EEF1AKMT1: variants seen among roughly 807,000 people sequenced by gnomAD.
EEF1AKMT1 encodes the protein EEF1A lysine methyltransferase 1.
Under a neutral mutation model 21.0 loss-of-function variants are expected in EEF1AKMT1, and 18 were observed. The observed-to-expected ratio is 0.86, with a 90% confidence interval of 0.59 to 1.27. The LOEUF (loss-of-function observed/expected upper bound fraction) is 1.27. Among genes scored for constraint, EEF1AKMT1 ranks in the 50% most tolerant of loss-of-function variants. EEF1AKMT1 has a pLI of 0.00. For missense variants in EEF1AKMT1, 246 were observed against 258.6 expected (o/e 0.95, Z 0.33); for synonymous variants, 109 against 94.8 (o/e 1.15, Z -0.87).
chr13:20,738,283 T>C (rs188856470), intron 2 of EEF1AKMT1, among the ~76,000 whole-genome samples: 120 of 152,388 alleles, frequency 7.9e-4, no homozygotes, highest in Non-Finnish European at 1.2e-3. Flanking sequence ...TCTTACCTTA[T>C]GCATGTTTCC....
chr13:20,757,328 A>G, intron 2 of EEF1AKMT1, 127 bp downstream of exon 2: 1 of 1,068,278 alleles, frequency 9.4e-7, no homozygotes, highest in Non-Finnish European at 1.4e-6. Context: ...CCCCATAGAG[A>G]AGTTCAGATC....
At chr13:20,739,103 C>G (rs974314789) in intron 2 of EEF1AKMT1, among the ~76,000 whole-genome samples, 3 of 152,072 alleles carry the variant, frequency 2.0e-5, no homozygotes, top group Non-Finnish European at 4.4e-5. Flanking sequence ...AGCTGCAGAC[C>G]TTCGCCAAGA....
chr13:20,770,209 T>TA (rs999803179), intron 1 of EEF1AKMT1, among the ~76,000 whole-genome samples: 4 of 149,090 alleles, frequency 2.7e-5, no homozygotes, highest in African/African-American at 7.5e-5. Flanking sequence ...GCCAGTCATT[T>TA]AAAAAAATAC....
At chr13:20,752,993 G>A (rs35098509) in intron 2 of EEF1AKMT1, among the ~76,000 whole-genome samples, 6,335 of 151,868 alleles carry the variant, frequency 0.042, 309 homozygotes, top group African/African-American at 0.11. Context: ...GGACTGGTTT[G>A]TTCTTGCTTT....
chr13:20,764,321 CTG>C (rs968597189), intron 1 of EEF1AKMT1, among the ~76,000 whole-genome samples: 42 of 152,206 alleles, frequency 2.8e-4, no homozygotes, highest in Admixed American at 1.8e-3. Flanking sequence ...TAGAAGGACA[CTG>C]TTTAATTTCC....
At chr13:20,753,941 T>A (rs2058957249) in intron 2 of EEF1AKMT1, among the ~76,000 whole-genome samples, 1 of 152,176 alleles carries the variant, frequency 6.6e-6, no homozygotes, top group Admixed American at 6.5e-5. Flanking sequence ...GTTGTTGATA[T>A]GTGAGGGCTT....
chr13:20,757,210 C>T lies in EEF1AKMT1; in HGVS notation c.144+245G>A, dbSNP rs113275863. The T allele has an allele frequency of 9.2e-4, 325 of 354,118 alleles. 4 individuals carry two copies. Among genetic ancestry groups the T allele is most frequent in the African/African-American group, 6.0e-3 (287 of 47,792 alleles). 21.9% of individuals were successfully genotyped at this position (354,118 alleles called of 1,614,324 possible). On this transcript the variant is annotated intron_variant, in intron 2 of 4. Transcript: ENST00000382758. ...ATCATTATCTCCTTATCTGAAAAAC[C>T]CCATCTTCTGATCACCAACCAGCCT...
intron 2 of EEF1AKMT1, among the ~76,000 whole-genome samples, chr13:20,751,777 G>A (rs1566534486): frequency 6.6e-6 from 1 of 151,992 alleles, no homozygotes; most frequent in Non-Finnish European, 1.5e-5. Flanking sequence ...CTTTCAATCC[G>A]TGAGCACGGG....
intron 1 of EEF1AKMT1, among the ~76,000 whole-genome samples, chr13:20,773,601 G>A (rs755560368): frequency 1.3e-5 from 2 of 152,258 alleles, no homozygotes; most frequent in Non-Finnish European, 2.9e-5. Flanking sequence ...ACGCGCTGCC[G>A]TAGCCTGGGG....
chr13:20,763,930 A>G (rs1205937118), intron 1 of EEF1AKMT1, among the ~76,000 whole-genome samples: 16 of 151,820 alleles, frequency 1.1e-4, no homozygotes, highest in Non-Finnish European at 2.9e-5. Context: ...GCAGTCCTCA[A>G]TTATTTCTAA....
intron 2 of EEF1AKMT1, among the ~76,000 whole-genome samples, chr13:20,748,348 T>A (rs1349496797): frequency 6.6e-6 from 1 of 150,542 alleles, no homozygotes; most frequent in African/African-American, 2.5e-5. Context: ...GGCAGGAGAA[T>A]GGCGTGAACC....
chr13:20,732,146 T>C (rs752010444), intron 3 of EEF1AKMT1, 25 bp from the exon 4 acceptor site: 1 of 1,587,006 alleles, frequency 6.3e-7, no homozygotes, highest in East Asian at 2.2e-5. Flanking sequence ...GAACACACCA[T>C]GAAACATCCT....
chr13:20,734,465 C>T (rs1227880110), intron 3 of EEF1AKMT1, among the ~76,000 whole-genome samples: 1 of 152,190 alleles, frequency 6.6e-6, no homozygotes, highest in Non-Finnish European at 1.5e-5. Flanking sequence ...GTAAGAGGAA[C>T]TATTGCACAG....
intron 2 of EEF1AKMT1, among the ~76,000 whole-genome samples, chr13:20,739,960 G>A (rs1566530070): frequency 3.3e-5 from 5 of 152,372 alleles, no homozygotes; most frequent in South Asian, 4.1e-4. Flanking sequence ...CAGTTGATGC[G>A]ACTGGGCCCC....
At chr13:20,740,995 T>C (rs1283532524) in intron 2 of EEF1AKMT1, among the ~76,000 whole-genome samples, 1 of 152,104 alleles carries the variant, frequency 6.6e-6, no homozygotes, top group African/African-American at 2.4e-5. Flanking sequence ...TCTGGAGTTA[T>C]CTTAGATTCT....
At chr13:20,765,500 C>T (rs1209213180) in intron 1 of EEF1AKMT1, among the ~76,000 whole-genome samples, 1 of 145,254 alleles carries the variant, frequency 6.9e-6, no homozygotes. Flanking sequence ...GCAACCTCCG[C>T]CTTCTAGTTT....
At chr13:20,744,316 T>G (rs1475500418) in intron 2 of EEF1AKMT1, among the ~76,000 whole-genome samples, 1 of 152,208 alleles carries the variant, frequency 6.6e-6, no homozygotes, top group African/African-American at 2.4e-5. Flanking sequence ...GTAAAAGCAT[T>G]CCTATTTCTC....
At chr13:20,746,387 G>GTGTGACCTTT (rs1376189955) in intron 2 of EEF1AKMT1, among the ~76,000 whole-genome samples, 6 of 152,184 alleles carry the variant, frequency 3.9e-5, no homozygotes, top group Non-Finnish European at 8.8e-5. Flanking sequence ...TCCTGACCTT[G>GTGTGACCTTT]TGATCCACCT....
intron 2 of EEF1AKMT1, among the ~76,000 whole-genome samples, chr13:20,738,858 A>G (rs1437197755): frequency 6.6e-6 from 1 of 152,166 alleles, no homozygotes; most frequent in Non-Finnish European, 1.5e-5. Flanking sequence ...TGAAAAACAT[A>G]TGGTTTCTTT....
Sources: gnomAD v4.1 joint callset for allele counts (sites outside exome capture counted in the v4.1 genomes callset) on GRCh38, gnomAD v4.1.1 for gene constraint, MANE v1.5 for transcripts, NCBI Gene and HGNC (gene_info 2026-07-23, HGNC 2026-07-21) for gene names.